Variants in ADGRL3 observed in about 807,000 individuals in gnomAD.
ADGRL3 encodes the protein adhesion G protein-coupled receptor L3, also known as calcium-independent alpha-latrotoxin receptor 3.
Under a neutral mutation model 153.5 loss-of-function variants are expected in ADGRL3, and 62 were observed. The observed-to-expected ratio is 0.40, with a 90% CI of 0.33 to 0.50. The LOEUF (loss-of-function observed/expected upper bound fraction) is 0.50, where lower values mean the gene tolerates loss of function less well. ADGRL3 is among the 20% of genes least tolerant of loss of function. The pLI is 0.47. For synonymous variants in ADGRL3, 710 were observed against 672.5 expected (o/e 1.06, Z -0.86); for missense variants, 1,641 against 1,859.4 (o/e 0.88, Z 2.16).
intron 9 of ADGRL3, among the ~76,000 whole-genome samples, chr4:61,862,036 A>G (rs73823273): frequency 0.063 from 9,591 of 152,252 alleles, 559 homozygotes; most frequent in African/African-American, 0.15. Context: ...GTCATATAGC[A>G]TCACTTTGGG....
chr4:61,218,029 G>C (rs1189170872), intron 1 of ADGRL3, among the ~76,000 whole-genome samples: 4 of 152,096 alleles, frequency 2.6e-5, no homozygotes, highest in Admixed American at 2.0e-4. Flanking sequence ...CTGGGATTAA[G>C]GTTATTATTT....
At chr4:61,648,349 CTT>C (rs34166403) in intron 5 of ADGRL3, among the ~76,000 whole-genome samples, 11 of 99,650 alleles carry the variant, frequency 1.1e-4, no homozygotes, top group Admixed American at 2.4e-4. Flanking sequence ...ATGAAATCGG[CTT>C]TTTTTTTTTT....
chr4:61,765,032 C>G (rs1470944923), intron 8 of ADGRL3, among the ~76,000 whole-genome samples: 1 of 152,102 alleles, frequency 6.6e-6, no homozygotes, highest in Middle Eastern at 3.4e-3. Flanking sequence ...TGGGACGACT[C>G]AGGATATCTG....
intron 2 of ADGRL3, among the ~76,000 whole-genome samples, chr4:61,435,497 C>A (rs757455659): frequency 6.6e-6 from 1 of 151,952 alleles, no homozygotes; most frequent in Non-Finnish European, 1.5e-5. Context: ...TGCATGTGGG[C>A]CCATTACCGG....
At chr4:61,226,128 G>GT (rs570139023) in intron 1 of ADGRL3, among the ~76,000 whole-genome samples, 34 of 148,718 alleles carry the variant, frequency 2.3e-4, no homozygotes, top group African/African-American at 5.2e-4. Flanking sequence ...ATTCTCTATT[G>GT]TTTTTTTTTC....
At chr4:61,318,207 A>AC (rs1208386174) in intron 1 of ADGRL3, among the ~76,000 whole-genome samples, 1 of 129,530 alleles carries the variant, frequency 7.7e-6, no homozygotes, top group Non-Finnish European at 1.7e-5. Context: ...AAAAAAAAAA[A>AC]AAAAAAACAC....
chr4:61,589,217 CAGTT>C, intron 5 of ADGRL3, among the ~76,000 whole-genome samples: 1 of 152,122 alleles, frequency 6.6e-6, no homozygotes, highest in South Asian at 2.1e-4. Context: ...TATGAGTTGT[CAGTT>C]AGCTGAAATA....
rs78504769 is a variant in ADGRL3, at chr4:61,625,502, A to G, written c.473+38062A>G. 7.2e-5 allele frequency among the ~76,000 whole-genome samples: 11 copies of G among 152,228 alleles called. No homozygotes were observed. In the East Asian group the frequency reaches 2.1e-3, roughly 29 times the overall value. On this transcript the variant is annotated intron_variant, in intron 5 of 26. Coordinates refer to ENST00000683033, the MANE Select transcript of ADGRL3 (RefSeq NM_001387552.1). Reference sequence around the variant, plus strand: ...AATTGGTGTATGTATATATATCAGCACATACATTCGTTACGTTGCTAATTT... The same window carrying G: ...AATTGGTGTATGTATATATATCAGCGCATACATTCGTTACGTTGCTAATTT...
rs141803360 is a variant in ADGRL3 at position 62,042,800 on chromosome 4, A to G, written c.3718-1653A>G. Among the ~76,000 whole-genome samples, 632 of 152,214 alleles carry G rather than the reference A, an allele frequency of 4.2e-3. 6 individuals carry two copies. Among genetic ancestry groups the G allele is most frequent in the African/African-American group, 0.015 (614 of 41,546 alleles). On this transcript the variant is annotated intron_variant, in intron 24 of 26. Transcript: ENST00000683033. ...TAATGAATAGTCACAAAAGTATACA[A>G]AACATAAGTGTATGGCACAATTAAT...
At chr4:61,980,467 TCTCA>T (rs2099064235) in intron 18 of ADGRL3, among the ~76,000 whole-genome samples, 1 of 151,798 alleles carries the variant, frequency 6.6e-6, no homozygotes, top group African/African-American at 2.4e-5. Context: ...TGAGAAAAGG[TCTCA>T]CTCTGTCATT....
At chr4:61,501,658 A>G (rs945957565) in intron 3 of ADGRL3, among the ~76,000 whole-genome samples, 1 of 152,180 alleles carries the variant, frequency 6.6e-6, no homozygotes, top group Non-Finnish European at 1.5e-5. Context: ...AATTGGTTAT[A>G]TATAATTGTT....
intron 2 of ADGRL3, among the ~76,000 whole-genome samples, chr4:61,454,397 G>A (rs1240885128): frequency 6.6e-6 from 1 of 152,002 alleles, no homozygotes; most frequent in South Asian, 2.1e-4. Context: ...TAACACAACT[G>A]TTTTGCATTT....
In ADGRL3 at chr4:61,457,845, A is replaced by G. The variant is rs935275276; in HGVS notation, c.-173-39276A>G. On this transcript the variant is annotated intron_variant, in intron 2 of 26. Transcript: ENST00000683033. ...GCCTTGTGTTTTTGTATAAAATCACAGATGACAGATAGATAGATAGATAGA... is the reference window on the plus strand; with the variant it reads ...GCCTTGTGTTTTTGTATAAAATCACGGATGACAGATAGATAGATAGATAGA... Among the ~76,000 whole-genome samples the G allele has an allele frequency of 9.1e-5, 13 of 143,306 alleles. No individual in the cohort carries two copies. The East Asian group carries it at 2.0e-3, about 22-fold the overall frequency. 94.0% of individuals were successfully genotyped at this position (143,306 alleles called of 152,430 possible).
At chr4:61,290,733 GAAGGAAAGGAAGAA>G (rs1213607218) in intron 1 of ADGRL3, among the ~76,000 whole-genome samples, 1 of 151,576 alleles carries the variant, frequency 6.6e-6, no homozygotes, top group Non-Finnish European at 1.5e-5. Context: ...AGTGGGAAAG[GAAGGAAAGGAAGAA>G]AAGGAAAGGA....
At chr4:62,045,661 A>C (rs1225796343) in intron 25 of ADGRL3, among the ~76,000 whole-genome samples, 1 of 151,936 alleles carries the variant, frequency 6.6e-6, no homozygotes, top group Non-Finnish European at 1.5e-5. Flanking sequence ...AATTTGATGC[A>C]GGGATCCATG....
At chr4:61,719,789 G>A (rs965118202) in intron 6 of ADGRL3, among the ~76,000 whole-genome samples, 16 of 151,430 alleles carry the variant, frequency 1.1e-4, no homozygotes, top group African/African-American at 3.4e-4. Context: ...TTTTAGTGGA[G>A]ACTGGTTTTC....
chr4:62,033,519 G>GGTAT, intron 23 of ADGRL3, among the ~76,000 whole-genome samples: 1 of 151,680 alleles, frequency 6.6e-6, no homozygotes, highest in East Asian at 1.9e-4. Context: ...GTCAGTGGTT[G>GGTAT]GTATTCTAAA....
chr4:62,005,021 T>C (rs1340304711), intron 21 of ADGRL3, among the ~76,000 whole-genome samples: 1 of 152,144 alleles, frequency 6.6e-6, no homozygotes, highest in African/African-American at 2.4e-5. Flanking sequence ...GAGCTTTGTG[T>C]ATTTTTAATG....
chr4:61,460,932 C>T (rs185695156), intron 2 of ADGRL3, among the ~76,000 whole-genome samples: 18 of 151,790 alleles, frequency 1.2e-4, no homozygotes, highest in African/African-American at 3.4e-4. Flanking sequence ...TAGCCAGGCG[C>T]GGTGGCAGGC....
Sources: gnomAD v4.1 joint callset for allele counts (sites outside exome capture counted in the v4.1 genomes callset) on GRCh38, gnomAD v4.1.1 for gene constraint, MANE v1.5 for transcripts, NCBI Gene and HGNC (gene_info 2026-07-23, HGNC 2026-07-21) for gene names.